Variants in FKBP5 observed in about 807,000 individuals in gnomAD.
FKBP5 encodes peptidyl-prolyl cis-trans isomerase FKBP5.
In FKBP5, 23 loss-of-function variants were observed where a neutral mutation model predicts 50.5. That is an observed-to-expected ratio of 0.46 (90% CI 0.33 to 0.65). The LOEUF (loss-of-function observed/expected upper bound fraction) is 0.65. FKBP5 is among the 30% of genes least tolerant of loss of function. The pLI, the probability that FKBP5 is intolerant of heterozygous loss-of-function variation, is 0.02. For synonymous variants in FKBP5, 176 were observed against 190.6 expected, an observed-to-expected ratio of 0.92 and a Z score of 0.63; for missense variants, 411 against 553.1, an observed-to-expected ratio of 0.74 and a Z score of 2.58.
At position 35,669,171 on chromosome 6, in the gene FKBP5, G is replaced by C. The variant is rs542011399; in HGVS notation, c.-20+19633C>G. On this transcript the variant is annotated intron_variant, in intron 1 of 10. Transcript: ENST00000357266. ...GAAGTTAACCATTAGAACTCCCTAAGACTGAAATAGGCTATCCTGTAAAAC... is the reference window on the plus strand; with the variant it reads ...GAAGTTAACCATTAGAACTCCCTAACACTGAAATAGGCTATCCTGTAAAAC... 2.0e-5 allele frequency among the ~76,000 whole-genome samples: 3 copies of C among 152,244 alleles called. No individual in the cohort carries two copies. The South Asian group carries it at 6.2e-4, about 32-fold the overall frequency.
chr6:35,693,447 G>A (rs951157948), upstream of FKBP5, among the ~76,000 whole-genome samples: 10 of 151,742 alleles, frequency 6.6e-5, no homozygotes, highest in Non-Finnish European at 1.5e-4. Flanking sequence ...ACAGGTGTGA[G>A]CCACTGCGCC....
intron 1 of FKBP5, among the ~76,000 whole-genome samples, chr6:35,684,131 C>A (rs915551909): frequency 5.7e-4 from 86 of 151,798 alleles, no homozygotes; most frequent in African/African-American, 2.1e-3. Flanking sequence ...CTTAAAAACC[C>A]ATTATTTCAC....
At chr6:35,671,538 C>A (rs972607848) in intron 1 of FKBP5, among the ~76,000 whole-genome samples, 1 of 151,952 alleles carries the variant, frequency 6.6e-6, no homozygotes, top group Non-Finnish European at 1.5e-5. Context: ...CAAATAGTAT[C>A]TATAAAATGA....
At chr6:35,649,249 T>TA (rs71002582) in intron 1 of FKBP5, among the ~76,000 whole-genome samples, 42,048 of 101,914 alleles carry the variant, frequency 0.41, 9,076 homozygotes, top group Non-Finnish European at 0.51. Context: ...AGACTCTGTC[T>TA]AAAAAAAAAA....
intron 1 of FKBP5, among the ~76,000 whole-genome samples, chr6:35,656,528 G>A (rs1003077431): frequency 6.6e-6 from 1 of 152,146 alleles, no homozygotes; most frequent in Non-Finnish European, 1.5e-5. Flanking sequence ...CAACCCTCTG[G>A]CAAAATATGA....
chr6:35,655,629 T>A (rs1033705409), intron 1 of FKBP5, among the ~76,000 whole-genome samples: 1 of 152,204 alleles, frequency 6.6e-6, no homozygotes, highest in African/African-American at 2.4e-5. Flanking sequence ...AATGATGAGA[T>A]GATCACGATT....
At chr6:35,606,138 G>C (rs1489394684) in intron 5 of FKBP5, among the ~76,000 whole-genome samples, 1 of 152,068 alleles carries the variant, frequency 6.6e-6, no homozygotes, top group Non-Finnish European at 1.5e-5. Context: ...CTACAGAATG[G>C]GAGAAAACAT....
chr6:35,581,746 T>C (rs1762439291), intron 8 of FKBP5: 1 of 985,438 alleles, frequency 1.0e-6, no homozygotes, highest in Non-Finnish European at 1.2e-6. Context: ...GAGGAGGTGA[T>C]AAGCTCAAAA....
At chr6:35,642,638 C>T (rs1375433419) in intron 2 of FKBP5, 82 bp downstream of exon 2, 3 of 1,063,824 alleles carry the variant, frequency 2.8e-6, no homozygotes, top group East Asian at 2.4e-5. Flanking sequence ...ACATTATCCA[C>T]CCCAGCCCCC....
intron 1 of FKBP5, among the ~76,000 whole-genome samples, chr6:35,666,128 A>G (rs1443155763): frequency 6.6e-6 from 1 of 152,142 alleles, no homozygotes; most frequent in African/African-American, 2.4e-5. Context: ...GAACATCTCA[A>G]GCTACTATGA....
intron 1 of FKBP5, among the ~76,000 whole-genome samples, chr6:35,679,798 T>A (rs976857334): frequency 1.3e-5 from 2 of 152,116 alleles, no homozygotes; most frequent in Non-Finnish European, 2.9e-5. Flanking sequence ...AATAAAAAAC[T>A]ACATATTGGG....
chr6:35,582,942 AGTGGT>A, intron 8 of FKBP5: 2 of 857,064 alleles, frequency 2.3e-6, no homozygotes, highest in Non-Finnish European at 2.8e-6. Flanking sequence ...CTTTTTCTAA[AGTGGT>A]GTGGTGGCTC....
upstream of FKBP5, among the ~76,000 whole-genome samples, chr6:35,692,564 T>G (rs1034121625): frequency 6.6e-6 from 1 of 152,086 alleles, no homozygotes; most frequent in Admixed American, 6.6e-5. Context: ...TTTGGGAGGC[T>G]GAGGTGGGCG....
At chr6:35,592,997 AAAG>A (rs1255909378) in intron 6 of FKBP5, among the ~76,000 whole-genome samples, 1 of 152,218 alleles carries the variant, frequency 6.6e-6, no homozygotes, top group African/African-American at 2.4e-5. Flanking sequence ...AAAGAAGACT[AAAG>A]AAAAATATTA....
intron 3 of FKBP5, among the ~76,000 whole-genome samples, chr6:35,625,924 C>T (rs142655254): frequency 0.027 from 4,109 of 151,512 alleles, 169 homozygotes; most frequent in African/African-American, 0.093. Flanking sequence ...GGACTACAGG[C>T]GCTAGCCACC....
chr6:35,614,341 G>A (rs948601183), intron 5 of FKBP5, among the ~76,000 whole-genome samples: 2 of 152,100 alleles, frequency 1.3e-5, no homozygotes, highest in African/African-American at 4.8e-5. Context: ...AAGGATGAGG[G>A]GGAAATGACA....
At chr6:35,592,398 C>CA (rs1336845752) in intron 6 of FKBP5, among the ~76,000 whole-genome samples, 1 of 152,014 alleles carries the variant, frequency 6.6e-6, no homozygotes, top group Non-Finnish European at 1.5e-5. Context: ...AAGCTGGAGC[C>CA]AAAAAGAGGA....
chr6:35,591,168 C>G lies in FKBP5; in HGVS notation c.718G>C (p.Glu240Gln), dbSNP rs1762809620. ...KPKFGIEPNAELIYEVTLKSF... is the reference protein window; with the variant it reads ...KPKFGIEPNAQLIYEVTLKSF... ...TTAAGTGTAACTTCATATATAAGCT[C>G]AGCATTAGGTTCAATGCCAAATTTA... is the stretch of plus-strand genomic sequence containing the variant. Residue 240 changes from glutamate (E) to glutamine (Q), a missense_variant, in exon 7 of 11, where the codon GAG (glutamate) becomes CAG (glutamine). This residue lies in a region of FKBP5 where 267 missense variants were observed against 405.9 expected (regional missense o/e 0.66). Transcript: ENST00000357266. The G allele has an allele frequency of 1.2e-6, 2 of 1,613,052 alleles. No homozygotes were observed. The highest frequency in any genetic ancestry group is 2.7e-5 in the African/African-American group (2 of 74,896).
intron 2 of FKBP5, among the ~76,000 whole-genome samples, chr6:35,717,953 G>A (rs555322961): frequency 6.6e-6 from 1 of 152,238 alleles, no homozygotes; most frequent in South Asian, 2.1e-4. Context: ...AGTGTAGGGC[G>A]GGAGGAATAA....
Sources: allele counts gnomAD v4.1 joint callset (sites outside exome capture counted in the v4.1 genomes callset), GRCh38; gene constraint gnomAD v4.1.1; regional missense constraint gnomAD v4.1.1; transcripts MANE v1.5; gene names NCBI Gene and HGNC (gene_info 2026-07-23, HGNC 2026-07-21).